The following C12orf42 variants were observed in gnomAD, a reference collection of about 807,000 sequenced individuals.
C12orf42 encodes the protein chromosome 12 open reading frame 42, also known as uncharacterized protein C12orf42.
In C12orf42, 25 loss-of-function variants were observed where a neutral mutation model predicts 21.6. That is an observed-to-expected ratio of 1.16 (90% CI 0.84 to 1.62). C12orf42 has a LOEUF of 1.62. Ranked by LOEUF, C12orf42 falls within the 40% of genes most tolerant of loss-of-function variation. The pLI, the probability that C12orf42 is intolerant of heterozygous loss-of-function variation, is 0.00. For missense variants in C12orf42, 483 were observed against 459.3 expected (o/e 1.05, Z -0.47); for synonymous variants, 174 against 175.0 (o/e 0.99, Z 0.05).
At chr12:103,294,588 GAAAGAAAGAAA>G (rs1566025910) in intron 4 of C12orf42, among the ~76,000 whole-genome samples, 45 of 72,060 alleles carry the variant, frequency 6.2e-4, no homozygotes, top group Admixed American at 1.1e-3. Context: ...AGGAAGGAAA[GAAAGAAAGAAA>G]GAAAGAAAGA....
At chr12:103,550,765 T>C in the C12orf42 span, 1 of 152,164 alleles carries the variant, frequency 6.6e-6, no homozygotes, top group Non-Finnish European at 1.5e-5. Flanking sequence ...ATGTATCAAA[T>C]AACATGGTAT....
chr12:103,555,426 T>A, the C12orf42 span, among the ~76,000 whole-genome samples: 9 of 151,708 alleles, frequency 5.9e-5, no homozygotes, highest in African/African-American at 2.2e-4. Context: ...TTCAATTACC[T>A]CCCACCGGGT....
intron 2 of C12orf42, among the ~76,000 whole-genome samples, chr12:103,460,284 GA>G (rs1565865407): frequency 2.0e-3 from 49 of 24,878 alleles, no homozygotes; most frequent in African/African-American, 4.2e-3. Context: ...AAAAAAAAAA[GA>G]GAGAGAGAGA....
At chr12:103,496,441 T>G (rs1003552723), upstream of C12orf42, among the ~76,000 whole-genome samples, 2 of 152,152 alleles carry the variant, frequency 1.3e-5, no homozygotes, top group Non-Finnish European at 2.9e-5. Flanking sequence ...GCTAGTTGGT[T>G]TAGAAACTTC....
At chr12:103,278,639 G>A (rs1593268107) in intron 4 of C12orf42, among the ~76,000 whole-genome samples, 1 of 152,242 alleles carries the variant, frequency 6.6e-6, no homozygotes, top group East Asian at 1.9e-4. Context: ...GTGCTGACGT[G>A]AAACAGCAGG....
the C12orf42 span, among the ~76,000 whole-genome samples, chr12:103,090,775 G>T: frequency 6.0e-4 from 92 of 152,226 alleles, 1 homozygote; most frequent in African/African-American, 2.1e-3. Context: ...AACCAGACCA[G>T]AGAGAGGACG....
chr12:103,412,299 A>G (rs756335786), intron 2 of C12orf42, among the ~76,000 whole-genome samples: 8 of 152,240 alleles, frequency 5.3e-5, no homozygotes, highest in Admixed American at 2.6e-4. Context: ...TACCTCCGCT[A>G]AACAGTAATA....
At chr12:103,472,256 G>T (rs540726559) in intron 2 of C12orf42, among the ~76,000 whole-genome samples, 21 of 151,666 alleles carry the variant, frequency 1.4e-4, no homozygotes, top group African/African-American at 5.1e-4. Flanking sequence ...GGGTTTCACC[G>T]TGTTAGCCAG....
chr12:103,188,111 T>C, the C12orf42 span, among the ~76,000 whole-genome samples: 4 of 152,334 alleles, frequency 2.6e-5, no homozygotes, highest in African/African-American at 9.6e-5. Flanking sequence ...GTGTGGCTTA[T>C]GGCAAGCAGT....
chr12:103,339,622 C>T (rs1433790603), intron 4 of C12orf42, among the ~76,000 whole-genome samples: 4 of 152,070 alleles, frequency 2.6e-5, no homozygotes, highest in Non-Finnish European at 5.9e-5. Flanking sequence ...TAGAGAAATG[C>T]AAATCAAAAG....
intron 2 of C12orf42, among the ~76,000 whole-genome samples, chr12:103,455,624 G>A (rs1025827718): frequency 6.6e-6 from 1 of 152,082 alleles, no homozygotes; most frequent in Non-Finnish European, 1.5e-5. Flanking sequence ...GGGGTGTGAG[G>A]TTCCTCTTCT....
intron 10 of C12orf42, among the ~76,000 whole-genome samples, chr12:103,254,866 G>A (rs1031276627): frequency 1.2e-4 from 18 of 151,854 alleles, no homozygotes; most frequent in Admixed American, 3.3e-4. Context: ...CATGGCACAC[G>A]TTTACCTCTG....
At chr12:103,546,310 T>C in the C12orf42 span, among the ~76,000 whole-genome samples, 1 of 152,202 alleles carries the variant, frequency 6.6e-6, no homozygotes, top group Admixed American at 6.5e-5. Flanking sequence ...AAACCAATAT[T>C]GTCTCATTGA....
At chr12:103,371,801 A>G (rs528094483) in intron 3 of C12orf42, among the ~76,000 whole-genome samples, 10 of 152,156 alleles carry the variant, frequency 6.6e-5, no homozygotes, top group Non-Finnish European at 1.5e-4. Flanking sequence ...TCTCTATACA[A>G]GCTAGGGCAA....
chr12:103,302,530 C>T lies in C12orf42; in HGVS notation c.661G>A (p.Gly221Ser), dbSNP rs371400301. 76 of 1,610,508 alleles carry T rather than the reference C, an allele frequency of 4.7e-5. 1 individual carries two copies. The highest frequency in any genetic ancestry group is 6.3e-5 in the Non-Finnish European group (74 of 1,178,504). ...GSAARPSTAIGLCRRSQTPGA... is the reference protein window; with the variant it reads ...GSAARPSTAISLCRRSQTPGA... ...GGCGTCTGGCTCCTCCTGCAGAGGC[C>T]GATGGCAGTGGAAGGTCTGGCGGCA... Residue 221 changes from glycine (G) to serine (S), a missense_variant, in exon 6 of 6, where the codon GGC becomes AGC. Transcript: ENST00000548883.
intron 10 of C12orf42, among the ~76,000 whole-genome samples, chr12:103,263,091 G>T (rs2034983330): frequency 1.3e-5 from 2 of 152,064 alleles, no homozygotes; most frequent in African/African-American, 4.8e-5. Flanking sequence ...TCACAGGTGG[G>T]AATTGAACAA....
At chr12:103,265,237 A>C (rs1476840111), downstream of C12orf42, among the ~76,000 whole-genome samples, 4 of 152,124 alleles carry the variant, frequency 2.6e-5, no homozygotes, top group Non-Finnish European at 5.9e-5. Flanking sequence ...GAATTTCAAC[A>C]TAAGAATGTT....
chr12:103,350,414 T>C (rs1219311236), intron 4 of C12orf42, among the ~76,000 whole-genome samples: 1 of 152,192 alleles, frequency 6.6e-6, no homozygotes, highest in African/African-American at 2.4e-5. Context: ...AATATCGCAG[T>C]GCTTGTGTTC....
intron 10 of C12orf42, among the ~76,000 whole-genome samples, chr12:103,257,167 CAT>C (rs1213984616): frequency 1.3e-5 from 2 of 152,104 alleles, no homozygotes; most frequent in Non-Finnish European, 2.9e-5. Context: ...CACATGGACA[CAT>C]AGAGGGAAAC....
Sources: allele counts gnomAD v4.1 joint callset (sites outside exome capture counted in the v4.1 genomes callset), GRCh38; gene constraint gnomAD v4.1.1; transcripts MANE v1.5; gene names NCBI Gene and HGNC (gene_info 2026-07-23, HGNC 2026-07-21).